SLC35D4: variants seen among roughly 807,000 people sequenced by gnomAD.
The protein encoded by SLC35D4 is solute carrier family 35 member D4.
chr18:23,354,850 G>A, the SLC35D4 span, among the ~76,000 whole-genome samples: 7,286 of 152,224 alleles, frequency 0.048, 485 homozygotes, highest in Admixed American at 0.18. Flanking sequence ...TTCTATGTCT[G>A]TGACTCATTT....
the SLC35D4 span, among the ~76,000 whole-genome samples, chr18:23,287,624 G>C: frequency 2.0e-5 from 3 of 150,050 alleles, no homozygotes; most frequent in Non-Finnish European, 4.5e-5. Flanking sequence ...ACCTGGTTTT[G>C]CCATCCTAAC....
chr18:23,291,918 A>G, the SLC35D4 span, among the ~76,000 whole-genome samples: 1 of 152,194 alleles, frequency 6.6e-6, no homozygotes, highest in African/African-American at 2.4e-5. Context: ...AGCCAGGGAC[A>G]TTGGGTGGGG....
the SLC35D4 span, among the ~76,000 whole-genome samples, chr18:23,301,440 G>A: frequency 3.9e-5 from 6 of 152,200 alleles, no homozygotes; most frequent in African/African-American, 1.4e-4. Flanking sequence ...GGCAGCCTCC[G>A]TGAAGTTCCT....
the SLC35D4 span, chr18:23,310,385 T>A: frequency 0.022 from 14,309 of 642,746 alleles, 196 homozygotes; most frequent in Middle Eastern, 0.048. Flanking sequence ...CAGAAAGGTG[T>A]CTCAGGAATG....
the SLC35D4 span, among the ~76,000 whole-genome samples, chr18:23,396,607 T>C: frequency 6.6e-6 from 1 of 152,224 alleles, no homozygotes. Flanking sequence ...AGCTTCTTTT[T>C]GCTTATTTAA....
chr18:23,386,124 C>CAAAA, the SLC35D4 span, among the ~76,000 whole-genome samples: 56 of 38,946 alleles, frequency 1.4e-3, no homozygotes, highest in Non-Finnish European at 1.8e-3. Context: ...GACTCTGTCT[C>CAAAA]AAAAAAAAAA....
At chr18:23,254,309 T>C in the SLC35D4 span, among the ~76,000 whole-genome samples, 1 of 152,256 alleles carries the variant, frequency 6.6e-6, no homozygotes, top group Admixed American at 6.5e-5. Context: ...CTTGGCTTCC[T>C]ACTTCCTTAG....
At chr18:23,299,701 G>A in the SLC35D4 span, among the ~76,000 whole-genome samples, 390 of 152,242 alleles carry the variant, frequency 2.6e-3, 1 homozygote, top group South Asian at 0.011. Context: ...CCCAAACACC[G>A]TGATCTCCCC....
At chr18:23,253,710 C>T in the SLC35D4 span, 3 of 1,609,732 alleles carry the variant, frequency 1.9e-6, no homozygotes, top group African/African-American at 4.0e-5. Flanking sequence ...ACTGTTCCCT[C>T]TTGCCTGTCT....
chr18:23,403,393 C>T, the SLC35D4 span, among the ~76,000 whole-genome samples: 1 of 152,184 alleles, frequency 6.6e-6, no homozygotes, highest in East Asian at 1.9e-4. Flanking sequence ...TCCCCATATA[C>T]GTGACGTTTG....
the SLC35D4 span, among the ~76,000 whole-genome samples, chr18:23,274,292 G>A: frequency 3.3e-5 from 5 of 152,196 alleles, no homozygotes; most frequent in African/African-American, 1.2e-4. Flanking sequence ...TTCACCTCCA[G>A]CCCAGAACCA....
chr18:23,246,037 G>T, the SLC35D4 span, among the ~76,000 whole-genome samples: 18 of 152,322 alleles, frequency 1.2e-4, no homozygotes, highest in Non-Finnish European at 1.0e-4. Flanking sequence ...AGAGGCCAAG[G>T]TGGGCAGATC....
At chr18:23,250,542 C>A in the SLC35D4 span, among the ~76,000 whole-genome samples, 2 of 152,190 alleles carry the variant, frequency 1.3e-5, no homozygotes, top group African/African-American at 4.8e-5. Flanking sequence ...TGAAATAGAG[C>A]CTTTCTTAAA....
the SLC35D4 span, chr18:23,257,454 A>G: frequency 7.2e-7 from 1 of 1,385,634 alleles, no homozygotes; most frequent in Non-Finnish European, 9.7e-7. Context: ...AAAAAGTAGA[A>G]CTCAGAATAC....
the SLC35D4 span, among the ~76,000 whole-genome samples, chr18:23,436,056 A>C: frequency 7.1e-6 from 1 of 141,456 alleles, no homozygotes; most frequent in Admixed American, 7.1e-5. Context: ...TTTTTTTTGA[A>C]ACTGAGTCTT....
the SLC35D4 span, chr18:23,356,675 A>G: frequency 6.2e-7 from 1 of 1,613,748 alleles, no homozygotes; most frequent in South Asian, 1.1e-5. This position sits in a 1 kb window ranked among gnomAD's most constrained non-coding sequence, Gnocchi z 4.1. Context: ...TGAGGGGAAC[A>G]GCAATGGTGA....
chr18:23,286,222 C>T, the SLC35D4 span, among the ~76,000 whole-genome samples: 1 of 152,122 alleles, frequency 6.6e-6, no homozygotes. Context: ...TGAGACAAAC[C>T]CCAGCCACAT....
chr18:23,241,979 TA>T, the SLC35D4 span, among the ~76,000 whole-genome samples: 2 of 151,742 alleles, frequency 1.3e-5, no homozygotes, highest in Non-Finnish European at 2.9e-5. Context: ...ATTTTGAACT[TA>T]AAAAAAAATT....
At chr18:23,379,097 G>A in the SLC35D4 span, among the ~76,000 whole-genome samples, 10 of 151,874 alleles carry the variant, frequency 6.6e-5, no homozygotes, top group South Asian at 2.1e-4. Context: ...AACTGCCCCC[G>A]GTATGATAAA....
Sources: allele counts gnomAD v4.1 joint callset (sites outside exome capture counted in the v4.1 genomes callset), GRCh38; gene constraint gnomAD v4.1.1; non-coding constraint Gnocchi (gnomAD v3.1); transcripts MANE v1.5; gene names NCBI Gene and HGNC (gene_info 2026-07-23, HGNC 2026-07-21).